PPP1R9A: variants seen among roughly 807,000 people sequenced by gnomAD.
The protein encoded by PPP1R9A is protein phosphatase 1 regulatory subunit 9A.
PPP1R9A carries 59 observed loss-of-function variants against 141.9 expected under a neutral mutation model. That is an observed-to-expected ratio of 0.42 (90% CI 0.34 to 0.52). The LOEUF is 0.52. PPP1R9A is among the 20% of genes least tolerant of loss of function. PPP1R9A has a pLI of 0.10. For missense variants in PPP1R9A, 1,444 were observed against 1,611.9 expected (o/e 0.90, Z 1.78); for synonymous variants, 500 against 569.7 (o/e 0.88, Z 1.74).
intron 5 of PPP1R9A, among the ~76,000 whole-genome samples, chr7:95,170,709 A>T (rs1352974698): frequency 1.3e-5 from 2 of 151,610 alleles, no homozygotes; most frequent in Admixed American, 6.6e-5. Flanking sequence ...GAATACTATT[A>T]TAAGAAATGT....
intron 2 of PPP1R9A, among the ~76,000 whole-genome samples, chr7:95,018,000 C>G (rs1805347263): frequency 6.6e-6 from 1 of 152,122 alleles, no homozygotes; most frequent in Non-Finnish European, 1.5e-5. Context: ...TTATTTTTAA[C>G]CATGCAACAA....
intron 2 of PPP1R9A, among the ~76,000 whole-genome samples, chr7:95,054,435 A>G (rs530098476): frequency 3.2e-4 from 48 of 152,018 alleles, no homozygotes; most frequent in Middle Eastern, 3.4e-3. Context: ...TTTATTTTGG[A>G]TTTAATTCTA....
intron 4 of PPP1R9A, among the ~76,000 whole-genome samples, chr7:95,150,679 CA>C (rs1056667510): frequency 2.0e-5 from 3 of 152,080 alleles, no homozygotes; most frequent in Non-Finnish European, 4.4e-5. Context: ...TCTTTTAAAT[CA>C]AAAACTTGTG....
At chr7:94,952,078 G>C (rs951641432) in intron 2 of PPP1R9A, among the ~76,000 whole-genome samples, 1 of 152,004 alleles carries the variant, frequency 6.6e-6, no homozygotes, top group Admixed American at 6.6e-5. Context: ...ACCTACATTA[G>C]ATATTTCTTC....
chr7:95,013,953 A>G (rs977046375), intron 2 of PPP1R9A, among the ~76,000 whole-genome samples: 4 of 152,234 alleles, frequency 2.6e-5, no homozygotes, highest in African/African-American at 9.6e-5. Context: ...TGAAAAATGG[A>G]AACATTTTAT....
intron 5 of PPP1R9A, among the ~76,000 whole-genome samples, chr7:95,180,225 C>T (rs1402851818): frequency 6.6e-6 from 1 of 152,034 alleles, no homozygotes; most frequent in East Asian, 1.9e-4. Flanking sequence ...AACCCAAATA[C>T]TTACAGCCTA....
intron 2 of PPP1R9A, among the ~76,000 whole-genome samples, chr7:94,957,314 C>T (rs1214165492): frequency 2.0e-5 from 3 of 151,976 alleles, no homozygotes; most frequent in African/African-American, 7.3e-5. Flanking sequence ...ACTTGAAGTT[C>T]CTTATCTCTT....
In PPP1R9A at chr7:95,042,074, C is replaced by G. The variant is rs1264627385; in HGVS notation, c.1396-69185C>G. ...CGAGGCCCTTGGGCAATAGGTTTTA[C>G]TTGGGAAGGTGATGTCAGGGAAGGC... On this transcript the variant is annotated intron_variant, in intron 2 of 19. Coordinates refer to ENST00000433360, the MANE Select transcript of PPP1R9A (RefSeq NM_001166160.2). Among the ~76,000 whole-genome samples the G allele has an allele frequency of 5.3e-5, 8 of 152,090 alleles. No homozygotes were observed. The East Asian group carries it at 1.5e-3, about 29-fold the overall frequency.
At chr7:94,917,862 A>T (rs1243531859) in intron 2 of PPP1R9A, among the ~76,000 whole-genome samples, 1 of 152,176 alleles carries the variant, frequency 6.6e-6, no homozygotes, top group East Asian at 1.9e-4. Context: ...TTACCTTGTT[A>T]ACCCAGTTAA....
rs998444132 is a variant in PPP1R9A, at chr7:95,005,989, A to G, written c.1395+94481A>G. The stretch of plus-strand genomic sequence containing the variant: ...TTAGAAGTAATCTACACTTATTTTT[A>G]GCATCTTGCTTATAGATTTCAATTT... On this transcript the variant is annotated intron_variant, in intron 2 of 19. Coordinates refer to ENST00000433360, the MANE Select transcript of PPP1R9A (RefSeq NM_001166160.2). Among the ~76,000 whole-genome samples, 5 of 152,114 alleles carry G rather than the reference A, an allele frequency of 3.3e-5. No individual in the cohort carries two copies. The East Asian group carries it at 9.6e-4, about 29-fold the overall frequency.
intron 7 of PPP1R9A, among the ~76,000 whole-genome samples, chr7:95,219,832 C>G (rs1794143808): frequency 6.6e-6 from 1 of 152,076 alleles, no homozygotes; most frequent in Admixed American, 6.6e-5. Context: ...TGTTATGCAA[C>G]TGGGACATTA....
chr7:95,029,295 T>A (rs13241927), intron 2 of PPP1R9A, among the ~76,000 whole-genome samples: 1 of 152,202 alleles, frequency 6.6e-6, no homozygotes, highest in Non-Finnish European at 1.5e-5. Context: ...ATTGTTATTG[T>A]TATTATTGTT....
intron 5 of PPP1R9A, among the ~76,000 whole-genome samples, chr7:95,195,887 C>T (rs907585953): frequency 6.6e-6 from 1 of 151,904 alleles, no homozygotes; most frequent in Non-Finnish European, 1.5e-5. Context: ...GTCATCTCTA[C>T]AAAAAATTAT....
chr7:95,010,851 A>AG (rs1201722108), intron 2 of PPP1R9A, among the ~76,000 whole-genome samples: 3 of 152,204 alleles, frequency 2.0e-5, no homozygotes, highest in African/African-American at 7.2e-5. Context: ...AGGCTGTGTT[A>AG]GGGGAGCAGT....
chr7:95,225,888 T>C, intron 7 of PPP1R9A, 73 bp from the exon 8 acceptor site: 1 of 1,488,802 alleles, frequency 6.7e-7, no homozygotes, highest in Non-Finnish European at 9.1e-7. Context: ...TTGTCTTTTA[T>C]AAAATATTTT....
chr7:95,288,319 T>C (rs1233300261), intron 18 of PPP1R9A, among the ~76,000 whole-genome samples: 1 of 152,216 alleles, frequency 6.6e-6, no homozygotes, highest in African/African-American at 2.4e-5. Flanking sequence ...ACATTAATAA[T>C]GGTGCTTTTT....
rs1485367722 is a variant in PPP1R9A, at chr7:95,269,230, CATGCAT to C, written c.2850_2855del (p.Met950_His951del). The C allele has an allele frequency of 6.5e-7, 1 of 1,547,676 alleles. No individual in the cohort carries two copies. The highest frequency in any genetic ancestry group is 8.8e-7 in the Non-Finnish European group (1 of 1,133,832). The stretch of plus-strand genomic sequence containing the variant: ...AGCCATCAAACAGTTTCTATAACCA[CATGCAT>C]ATTACCAAATTACTTCCACCTAAGG... On this transcript the variant is annotated inframe_deletion, in exon 14 of 20. Transcript: ENST00000433360.
At chr7:95,280,857 A>G (rs988788466) in intron 16 of PPP1R9A, among the ~76,000 whole-genome samples, 2 of 152,182 alleles carry the variant, frequency 1.3e-5, no homozygotes, top group Admixed American at 6.6e-5. Context: ...GAGGAAGCAA[A>G]TAAGAAAGGA....
chr7:95,275,106 C>G (rs1010941118), intron 16 of PPP1R9A, among the ~76,000 whole-genome samples: 1 of 152,066 alleles, frequency 6.6e-6, no homozygotes, highest in Admixed American at 6.6e-5. Context: ...TTCATTTGAT[C>G]CTTATAGGAT....
Sources: gnomAD v4.1 joint callset for allele counts (sites outside exome capture counted in the v4.1 genomes callset) on GRCh38, gnomAD v4.1.1 for gene constraint, MANE v1.5 for transcripts, NCBI Gene and HGNC (gene_info 2026-07-23, HGNC 2026-07-21) for gene names.